Variants in C11orf97 observed in about 807,000 individuals in gnomAD.
C11orf97 encodes uncharacterized protein C11orf97.
A neutral mutation model predicts 16.2 loss-of-function variants in C11orf97; 15 were observed. The ratio of observed to expected loss-of-function variants is 0.93; its 90% CI spans 0.62 to 1.43. C11orf97 has a LOEUF of 1.43. C11orf97 is among the 40% of genes most tolerant of loss of function. The pLI, the probability that C11orf97 is intolerant of heterozygous loss-of-function variation, is 0.00. For missense variants in C11orf97, 171 were observed against 161.2 expected, an observed-to-expected ratio of 1.06 and a Z score of -0.33; for synonymous variants, 61 against 65.7, an observed-to-expected ratio of 0.93 and a Z score of 0.34.
At chr11:94,529,173 A>T (rs1947720185) in intron 3 of C11orf97, among the ~76,000 whole-genome samples, 1 of 152,174 alleles carries the variant, frequency 6.6e-6, no homozygotes, top group African/African-American at 2.4e-5. Context: ...CATGCTTTCA[A>T]CCACTAGACA....
At chr11:94,512,714 G>A (rs1438677903) in intron 1 of C11orf97, 41 bp downstream of exon 1, 14 of 1,234,438 alleles carry the variant, frequency 1.1e-5, no homozygotes, top group Non-Finnish European at 1.4e-5. Flanking sequence ...GGGAGGAGGG[G>A]CGTGGAGAAC....
At chr11:94,512,715 C>G (rs1378285110) in intron 1 of C11orf97, 42 bp downstream of exon 1, 6 of 1,233,738 alleles carry the variant, frequency 4.9e-6, no homozygotes, top group Middle Eastern at 3.1e-4. Context: ...GGAGGAGGGG[C>G]GTGGAGAACG....
chr11:94,513,805 A>C (rs1947587113), intron 1 of C11orf97, among the ~76,000 whole-genome samples: 2 of 152,178 alleles, frequency 1.3e-5, no homozygotes, highest in African/African-American at 4.8e-5. Flanking sequence ...CTTTACTCCT[A>C]CTTAAAATTA....
chr11:94,516,843 A>G (rs1039885831), intron 1 of C11orf97, among the ~76,000 whole-genome samples: 1 of 152,216 alleles, frequency 6.6e-6, no homozygotes, highest in Non-Finnish European at 1.5e-5. Flanking sequence ...AAAGGTAGGA[A>G]TGAACAGAAG....
chr11:94,520,696 C>T lies in C11orf97; in HGVS notation c.250+3009C>T, dbSNP rs145709479. ...TCCTCAAACTCCGTATCCAGTCTAT[C>T]AGCCAATCCTTTTGAATTCAGTGTA... On this transcript the variant is annotated intron_variant, in intron 2 of 3. Coordinates refer to ENST00000542198, the MANE Select transcript of C11orf97 (RefSeq NM_001190462.2). Among the ~76,000 whole-genome samples, 1,237 of 152,310 alleles carry T rather than the reference C, an allele frequency of 8.1e-3. 8 individuals are homozygous for T. The highest frequency in any genetic ancestry group is 0.041 in the Middle Eastern group (12 of 294).
At chr11:94,524,586 G>GGAAAA (rs371812693) in intron 2 of C11orf97, among the ~76,000 whole-genome samples, 1 of 115,416 alleles carries the variant, frequency 8.7e-6, no homozygotes, top group Non-Finnish European at 1.7e-5. Context: ...ACCTCATCCT[G>GGAAAA]AAAAAAAAAA....
At chr11:94,524,586 GA>G (rs56304137) in intron 2 of C11orf97, among the ~76,000 whole-genome samples, 4 of 115,414 alleles carry the variant, frequency 3.5e-5, no homozygotes, top group South Asian at 3.2e-4. Flanking sequence ...ACCTCATCCT[GA>G]AAAAAAAAAA....
intron 2 of C11orf97, among the ~76,000 whole-genome samples, chr11:94,523,499 T>C (rs2135182134): frequency 6.6e-6 from 1 of 152,348 alleles, no homozygotes; most frequent in African/African-American, 2.4e-5. Context: ...TTGAACTTAT[T>C]GAAGAGTCTA....
chr11:94,524,039 T>C (rs944155744), intron 2 of C11orf97, among the ~76,000 whole-genome samples: 10 of 152,192 alleles, frequency 6.6e-5, no homozygotes, highest in Non-Finnish European at 1.0e-4. Flanking sequence ...TTAGAAGCAC[T>C]GGATGCTGGG....
At chr11:94,513,288 G>GGTAA (rs746309367) in intron 1 of C11orf97, among the ~76,000 whole-genome samples, 5 of 152,188 alleles carry the variant, frequency 3.3e-5, no homozygotes, top group Non-Finnish European at 5.9e-5. Flanking sequence ...TATTCAAATA[G>GGTAA]GTAAAGACAG....
intron 1 of C11orf97, among the ~76,000 whole-genome samples, chr11:94,516,307 C>T (rs903503234): frequency 3.9e-5 from 6 of 152,162 alleles, no homozygotes; most frequent in African/African-American, 1.4e-4. Context: ...AAATCATAAA[C>T]AACTAAAGTA....
intron 2 of C11orf97, among the ~76,000 whole-genome samples, chr11:94,525,308 AT>A (rs1156416179): frequency 6.6e-6 from 1 of 152,174 alleles, no homozygotes; most frequent in Non-Finnish European, 1.5e-5. Flanking sequence ...TACTGAACTT[AT>A]TAATCTTCCC....
chr11:94,516,059 TC>T (rs1226017413), intron 1 of C11orf97, among the ~76,000 whole-genome samples: 1 of 152,202 alleles, frequency 6.6e-6, no homozygotes, highest in Non-Finnish European at 1.5e-5. Flanking sequence ...TCATATGACT[TC>T]CAACTTTGGG....
intron 1 of C11orf97, among the ~76,000 whole-genome samples, chr11:94,514,650 T>C (rs1225519149): frequency 7.0e-6 from 1 of 142,958 alleles, no homozygotes; most frequent in Admixed American, 6.8e-5. Context: ...CTTTTTTTTT[T>C]TTTTTTTTTT....
At chr11:94,531,630 G>C (rs1054754835) in intron 3 of C11orf97, among the ~76,000 whole-genome samples, 4 of 151,334 alleles carry the variant, frequency 2.6e-5, no homozygotes, top group Non-Finnish European at 5.9e-5. Context: ...TGATACCATA[G>C]GTCTGGGGTG....
At chr11:94,523,525 G>A (rs1457011501) in intron 2 of C11orf97, among the ~76,000 whole-genome samples, 1 of 152,204 alleles carries the variant, frequency 6.6e-6, no homozygotes, top group Admixed American at 6.5e-5. Flanking sequence ...AGGGCGATCT[G>A]TCCTGGAAGT....
At chr11:94,528,663 G>C (rs570140841) in intron 3 of C11orf97, among the ~76,000 whole-genome samples, 1 of 152,306 alleles carries the variant, frequency 6.6e-6, no homozygotes, top group East Asian at 1.9e-4. Flanking sequence ...GAGGCCACCA[G>C]ACTGGGCCCA....
chr11:94,528,045 C>A (rs116564208), intron 2 of C11orf97, 39 bp from the exon 3 acceptor site: 8 of 1,490,624 alleles, frequency 5.4e-6, no homozygotes, highest in Admixed American at 4.6e-5. Flanking sequence ...AAAGAGAATA[C>A]GCTAATAATT....
intron 3 of C11orf97, among the ~76,000 whole-genome samples, chr11:94,529,549 C>T (rs1947723227): frequency 6.6e-6 from 1 of 152,160 alleles, no homozygotes; most frequent in Admixed American, 6.5e-5. Flanking sequence ...GGATTATAAT[C>T]TCCATTTTCT....
Sources: gnomAD v4.1 joint callset for allele counts (sites outside exome capture counted in the v4.1 genomes callset) on GRCh38, gnomAD v4.1.1 for gene constraint, MANE v1.5 for transcripts, NCBI Gene and HGNC (gene_info 2026-07-23, HGNC 2026-07-21) for gene names.